TRPM4: variants seen among roughly 807,000 people sequenced by gnomAD.
The protein encoded by TRPM4 is calcium-activated non-selective cation channel 1.
A neutral mutation model predicts 135.6 loss-of-function variants in TRPM4; 124 were observed. The ratio of observed to expected loss-of-function variants is 0.91; its 90% CI spans 0.79 to 1.06. The LOEUF is 1.06. TRPM4 is among the 50% of genes least tolerant of loss of function. The pLI is 0.00. For synonymous variants in TRPM4, 745 were observed against 705.6 expected, an observed-to-expected ratio of 1.06 and a Z score of -0.88; for missense variants, 1,658 against 1,671.4, an observed-to-expected ratio of 0.99 and a Z score of 0.14.
At chr19:49,168,451 G>T in intron 5 of TRPM4, 28 bp downstream of exon 5, 1 of 1,613,912 alleles carries the variant, frequency 6.2e-7, no homozygotes. Context: ...GGAAAAGGGG[G>T]CTGGAGGCCT....
chr19:49,177,329 T>C (rs1038818262), intron 9 of TRPM4, among the ~76,000 whole-genome samples: 5 of 139,174 alleles, frequency 3.6e-5, no homozygotes, highest in African/African-American at 1.4e-4. Flanking sequence ...CATGAATGCG[T>C]CTTTTTTTTT....
chr19:49,184,270 CATTT>C (rs1568473644), intron 12 of TRPM4, among the ~76,000 whole-genome samples: 1 of 151,828 alleles, frequency 6.6e-6, no homozygotes, highest in Non-Finnish European at 1.5e-5. Flanking sequence ...TATTTTCCTT[CATTT>C]GTTTTTCTTT....
In TRPM4 at chr19:49,210,520, C is replaced by G. The variant is rs954636415; in HGVS notation, c.3328+115C>G. The G allele has an allele frequency of 1.4e-6, 2 of 1,450,732 alleles. No homozygotes were observed. Among genetic ancestry groups the G allele is most frequent in the Middle Eastern group, 2.2e-4 (1 of 4,516 alleles). The allele number at this position is 1,450,732 out of a possible 1,614,324, so 89.9% of individuals were successfully genotyped here. On this transcript the variant is annotated intron_variant, in intron 21 of 24. Transcript: ENST00000252826. This position sits in a 1 kb window ranked among gnomAD's most constrained non-coding sequence, Gnocchi z 4.1. The stretch of plus-strand genomic sequence containing the variant: ...CGGGCGTGGCTTAGGTAGCGAGGGG[C>G]GGGGTTTAAGCAACAAGGGGCGGAG...
In TRPM4 at chr19:49,171,448, G is replaced by C. The variant is rs750752873; in HGVS notation, c.858+30G>C. ...AGGGGCCCGGATGCCCGGATCTAAG[G>C]GGGAAGGAGGGTTGGGGGCCAGGAC... is the stretch of plus-strand genomic sequence containing the variant. On this transcript the variant is annotated intron_variant, in intron 7 of 24. Transcript: ENST00000252826. The surrounding 1 kb of genome is among the most constrained non-coding windows in gnomAD (Gnocchi z 4.7). 8.7e-6 allele frequency: 14 copies of C among 1,613,774 alleles called. No individual in the cohort carries two copies. The highest frequency in any genetic ancestry group is 3.3e-5 in the Admixed American group (2 of 59,968).
rs1235054971 is a variant in TRPM4 at position 49,210,665 on chromosome 19, G to T, written c.3329-45G>T. The T allele has an allele frequency of 8.1e-6, 13 of 1,613,772 alleles. No homozygotes were observed. Among genetic ancestry groups the T allele is most frequent in the African/African-American group, 2.7e-5 (2 of 75,046 alleles). On this transcript the variant is annotated intron_variant, in intron 21 of 24. Transcript: ENST00000252826. This position sits in a 1 kb window ranked among gnomAD's most constrained non-coding sequence, Gnocchi z 4.1. Reference sequence around the variant, plus strand: ...GTGTCGGAAGGGGCAGCTGGGATTGGGAAGGGGCGTGGCCTGAGCCCTTTG... The same window carrying T: ...GTGTCGGAAGGGGCAGCTGGGATTGTGAAGGGGCGTGGCCTGAGCCCTTTG...
intron 16 of TRPM4, among the ~76,000 whole-genome samples, chr19:49,193,032 C>T (rs993970547): frequency 2.0e-5 from 3 of 151,298 alleles, no homozygotes; most frequent in Admixed American, 1.3e-4. Context: ...TGTTATGAAA[C>T]ACGTACAATG....
chr19:49,210,678 C>A lies in TRPM4; in HGVS notation c.3329-32C>A. On this transcript the variant is annotated intron_variant, in intron 21 of 24. Coordinates refer to ENST00000252826, the MANE Select transcript of TRPM4 (RefSeq NM_017636.4). This position sits in a 1 kb window ranked among gnomAD's most constrained non-coding sequence, Gnocchi z 4.1. ...CAGCTGGGATTGGGAAGGGGCGTGG[C>A]CTGAGCCCTTTGACTCCGCCCGCCC... The A allele has an allele frequency of 6.2e-7, 1 of 1,613,796 alleles. No individual in the cohort carries two copies. Among genetic ancestry groups the A allele is most frequent in the Non-Finnish European group, 8.5e-7 (1 of 1,179,976 alleles).
At chr19:49,204,226 C>T (rs8102442) in intron 20 of TRPM4, among the ~76,000 whole-genome samples, 2 of 152,158 alleles carry the variant, frequency 1.3e-5, no homozygotes, top group South Asian at 4.1e-4. Flanking sequence ...CATTGGCATG[C>T]AAGTATCTAT....
At chr19:49,207,980 C>T (rs1969211636) in intron 20 of TRPM4, among the ~76,000 whole-genome samples, 1 of 152,086 alleles carries the variant, frequency 6.6e-6, no homozygotes, top group Non-Finnish European at 1.5e-5. Flanking sequence ...GAGTGTGAGT[C>T]ATCTCCAATG....
chr19:49,184,661 T>TA (rs1968130050), intron 12 of TRPM4, among the ~76,000 whole-genome samples: 1 of 151,662 alleles, frequency 6.6e-6, no homozygotes, highest in Non-Finnish European at 1.5e-5. Context: ...TTTGTATTTT[T>TA]TTAGAGACAG....
intron 6 of TRPM4, among the ~76,000 whole-genome samples, chr19:49,170,649 T>C (rs1380175293): frequency 6.6e-6 from 1 of 152,182 alleles, no homozygotes; most frequent in Non-Finnish European, 1.5e-5. Flanking sequence ...GGATGGTTAA[T>C]CAATGACAGG....
chr19:49,162,743 A>C (rs1967012501), intron 2 of TRPM4, among the ~76,000 whole-genome samples: 1 of 151,850 alleles, frequency 6.6e-6, no homozygotes, highest in Non-Finnish European at 1.5e-5. Flanking sequence ...GGCACTTGGA[A>C]TATGGCCATT....
rs767015629 is a variant in TRPM4 at position 49,168,083 on chromosome 19, C to T, written c.434C>T (p.Ala145Val). The change falls in exon 4 of 25, where the codon GCT becomes GTT. Residue 145 changes from alanine (A) to valine (V), a missense_variant. Coordinates refer to ENST00000252826, the MANE Select transcript of TRPM4 (RefSeq NM_017636.4). Reference sequence around the variant, plus strand: ...CTGCTGCGTCGTGGGCTGGTGCGGGCTGCCCAGAGCACAGGTGACCGAGGG... The same window carrying T: ...CTGCTGCGTCGTGGGCTGGTGCGGGTTGCCCAGAGCACAGGTGACCGAGGG... ...QDLLRRGLVR[A>V]AQSTGAWIVT... 9.3e-6 allele frequency: 15 copies of T among 1,605,702 alleles called. No individual in the cohort carries two copies. Among genetic ancestry groups the T allele is most frequent in the Non-Finnish European group, 1.3e-5 (15 of 1,178,400 alleles).
Position 49,182,647 on chromosome 19 carries a change from A to G in TRPM4, c.1333A>G (p.Ile445Val), listed in dbSNP as rs1968025015. The G allele has an allele frequency of 6.2e-7, 1 of 1,614,090 alleles. No individual in the cohort carries two copies. Among genetic ancestry groups the G allele is most frequent in the African/African-American group, 1.3e-5 (1 of 75,006 alleles). ...CCGGCCTGAGTTCGTGCGCTTGCTC[A>G]TTTCCCACGGCCTCAGCCTGGGCCA... is the stretch of plus-strand genomic sequence containing the variant. ...NDRPEFVRLLISHGLSLGHFL... is the reference protein window; with the variant it reads ...NDRPEFVRLLVSHGLSLGHFL... The change falls in exon 11 of 25, where the codon ATT becomes GTT. Residue 445 changes from isoleucine to valine, a missense_variant. Coordinates refer to ENST00000252826, the MANE Select transcript of TRPM4 (RefSeq NM_017636.4).
intron 6 of TRPM4, among the ~76,000 whole-genome samples, chr19:49,170,442 G>A (rs1453509527): frequency 1.3e-5 from 2 of 152,108 alleles, no homozygotes; most frequent in Non-Finnish European, 1.5e-5. Flanking sequence ...ACCCGCCTCG[G>A]CCTCCCAAAG....
At chr19:49,164,710 G>C (rs941614395) in intron 2 of TRPM4, among the ~76,000 whole-genome samples, 9 of 149,322 alleles carry the variant, frequency 6.0e-5, no homozygotes, top group African/African-American at 2.2e-4. Flanking sequence ...TTGCTTGCTT[G>C]CTTGCTTGCT....
intron 4 of TRPM4, 25 bp from the exon 5 acceptor site, chr19:49,168,235 T>A: frequency 6.2e-7 from 1 of 1,614,048 alleles, no homozygotes; most frequent in African/African-American, 1.3e-5. Flanking sequence ...CCCCTGCCTC[T>A]GCATGTTCCT....
At chr19:49,208,549 A>G (rs564582045) in intron 20 of TRPM4, among the ~76,000 whole-genome samples, 8 of 152,074 alleles carry the variant, frequency 5.3e-5, no homozygotes, top group Middle Eastern at 3.4e-3. Context: ...TTCAGCTCCT[A>G]TCTCTGTATG....
Position 49,171,297 on chromosome 19 carries a change from C to G in TRPM4, c.797-60C>G, listed in dbSNP as rs936589853. On this transcript the variant is annotated intron_variant, in intron 6 of 24. Coordinates refer to ENST00000252826, the MANE Select transcript of TRPM4 (RefSeq NM_017636.4). This position sits in a 1 kb window ranked among gnomAD's most constrained non-coding sequence, Gnocchi z 4.7. ...GCCGACTCCTGGGAAATGCGGTTTT[C>G]TCCTATCTCCAGCAAAGGCTGATGG... 1 of 1,597,300 alleles carries G rather than the reference C, an allele frequency of 6.3e-7. No individual in the cohort carries two copies. The highest frequency in any genetic ancestry group is 8.6e-7 in the Non-Finnish European group (1 of 1,164,634).
Sources: allele counts gnomAD v4.1 joint callset (sites outside exome capture counted in the v4.1 genomes callset), GRCh38; gene constraint gnomAD v4.1.1; non-coding constraint Gnocchi (gnomAD v3.1); transcripts MANE v1.5; gene names NCBI Gene and HGNC (gene_info 2026-07-23, HGNC 2026-07-21).